Variants in RNF212 observed in about 807,000 individuals in gnomAD.
RNF212 encodes ring finger protein 212.
In RNF212, 33 loss-of-function variants were observed where a neutral mutation model predicts 34.7. That is an observed-to-expected ratio of 0.95 (90% CI 0.72 to 1.27). RNF212 has a LOEUF of 1.27. Ranked by LOEUF, RNF212 falls within the 50% of genes most tolerant of loss-of-function variation. The pLI is 0.00. For missense variants in RNF212, 377 were observed against 362.2 expected, an observed-to-expected ratio of 1.04 and a Z score of -0.33; for synonymous variants, 140 against 136.1, an observed-to-expected ratio of 1.03 and a Z score of -0.20.
intron 2 of RNF212, among the ~76,000 whole-genome samples, chr4:1,104,895 A>G (rs935311043): frequency 6.6e-6 from 1 of 152,152 alleles, no homozygotes; most frequent in Non-Finnish European, 1.5e-5. Context: ...GGGAGGAGGA[A>G]GAACACAGGT....
chr4:1,090,693 C>T, intron 4 of RNF212, 89 bp downstream of exon 4: 1 of 782,164 alleles, frequency 1.3e-6, no homozygotes. Flanking sequence ...GCAGCCATCC[C>T]CTTTGAGAGC....
At chr4:1,066,766 A>T (rs1435299637), downstream of RNF212, among the ~76,000 whole-genome samples, 4 of 152,052 alleles carry the variant, frequency 2.6e-5, no homozygotes, top group African/African-American at 9.7e-5. Context: ...TACTCTATTG[A>T]TAGTATCTTT....
intron 1 of RNF212, among the ~76,000 whole-genome samples, chr4:1,109,692 T>C (rs571893731): frequency 4.6e-5 from 7 of 152,290 alleles, no homozygotes. Context: ...GAAGCAGCCC[T>C]GGCTCATGAC....
At chr4:1,056,501 AC>A (rs1438287303) in exon 5 of RNF212, 11 of 986,192 alleles carry the variant, frequency 1.1e-5, no homozygotes, top group African/African-American at 1.7e-5. Context: ...TCAAAACTTC[AC>A]ACTGTTGAGG....
At chr4:1,074,753 CAAG>C (rs1473802101) in intron 8 of RNF212, among the ~76,000 whole-genome samples, 1 of 152,178 alleles carries the variant, frequency 6.6e-6, no homozygotes, top group African/African-American at 2.4e-5. Context: ...CTCCTACCCC[CAAG>C]AAGACAGAAT....
chr4:1,113,554 G>A lies in RNF212; in HGVS notation c.-90C>T. ...CCTCCCCGCGCAGGGCCCGAAGGCGGGCAGCTCTGCGCCTGCGCAAAGTCG... is the reference window on the plus strand; with the variant it reads ...CCTCCCCGCGCAGGGCCCGAAGGCGAGCAGCTCTGCGCCTGCGCAAAGTCG... On this transcript the variant is annotated 5_prime_UTR_variant, in exon 1 of 10. Coordinates refer to ENST00000433731, the MANE Select transcript of RNF212 (RefSeq NM_001131034.4). 3 of 1,089,314 alleles carry A rather than the reference G, an allele frequency of 2.8e-6. No homozygotes were observed. Among genetic ancestry groups the A allele is most frequent in the East Asian group, 2.9e-5 (1 of 33,908 alleles). The allele number at this position is 1,089,314 out of a possible 1,614,324, so 67.5% of individuals were successfully genotyped here. A position where few individuals can be genotyped will look rare whatever the true frequency, so the allele number is the denominator to read the frequency against.
chr4:1,074,842 G>A (rs1229692523), intron 8 of RNF212, among the ~76,000 whole-genome samples: 3 of 152,118 alleles, frequency 2.0e-5, no homozygotes, highest in African/African-American at 7.2e-5. Flanking sequence ...ACATATTCCT[G>A]CCTCATCAGG....
chr4:1,091,608 C>T (rs750216019), intron 3 of RNF212, among the ~76,000 whole-genome samples: 11 of 152,146 alleles, frequency 7.2e-5, no homozygotes, highest in South Asian at 4.1e-4. Context: ...CAGGAGGGAG[C>T]GGCCTTGTCT....
chr4:1,087,851 T>A (rs924954003), intron 4 of RNF212, among the ~76,000 whole-genome samples: 3 of 151,962 alleles, frequency 2.0e-5, no homozygotes, highest in African/African-American at 4.8e-5. Context: ...TGCCGCTATG[T>A]AAGATGTGCC....
exon 5 of RNF212, chr4:1,056,494 A>G (rs190201588): frequency 6.1e-6 from 6 of 986,664 alleles, no homozygotes; most frequent in African/African-American, 3.5e-5. Context: ...AATGACTTCA[A>G]AACTTCACAC....
rs998407593 is a variant in RNF212, at chr4:1,060,934, T to C, written n.148-2541A>G. On this transcript the variant is annotated intron_variant and non_coding_transcript_variant, in intron 3 of 4. Coordinates refer to the RNF212 transcript ENST00000503206. ...ATGAGTGCTTGTTGAGGAGGACTGCTGGCTACAGTGGAGTAGAAATCAATG... is the reference window on the plus strand; with the variant it reads ...ATGAGTGCTTGTTGAGGAGGACTGCCGGCTACAGTGGAGTAGAAATCAATG... 2.5e-4 allele frequency among the ~76,000 whole-genome samples: 38 copies of C among 152,320 alleles called. 2 individuals carry two copies. The highest frequency in any genetic ancestry group is 1.2e-4 in the Non-Finnish European group (8 of 68,028).
chr4:1,064,022 G>GAA (rs150873976), intron 3 of RNF212, among the ~76,000 whole-genome samples: 4 of 149,448 alleles, frequency 2.7e-5, no homozygotes, highest in South Asian at 2.1e-4. Flanking sequence ...TTCAAATATG[G>GAA]AAAAAAAAAA....
intron 4 of RNF212, chr4:1,056,800 C>T (rs1717352238): frequency 1.0e-6 from 1 of 979,860 alleles, no homozygotes; most frequent in Non-Finnish European, 1.2e-6. Flanking sequence ...CGCACTTTCC[C>T]AAGAGCATTT....
intron 9 of RNF212, 68 bp downstream of exon 9, chr4:1,073,531 T>A: frequency 2.5e-6 from 3 of 1,197,678 alleles, no homozygotes; most frequent in Non-Finnish European, 3.7e-6. Context: ...TGATTAAACA[T>A]GACCTTTCAG....
intron 2 of RNF212, among the ~76,000 whole-genome samples, chr4:1,106,249 TACACACACACACACACACACACACAC>T (rs35166968): frequency 4.8e-5 from 7 of 145,948 alleles, no homozygotes; most frequent in Non-Finnish European, 9.1e-5. Flanking sequence ...CAATTTTACT[TACACACACACACACACACACACACAC>T]ACACACACAC....
At chr4:1,098,235 C>A (rs924035922) in intron 2 of RNF212, among the ~76,000 whole-genome samples, 1 of 152,128 alleles carries the variant, frequency 6.6e-6, no homozygotes, top group Non-Finnish European at 1.5e-5. Flanking sequence ...CCAGTGGCTC[C>A]CCAAATCCCA....
At chr4:1,063,824 T>G (rs1577613204) in intron 3 of RNF212, among the ~76,000 whole-genome samples, 1 of 150,242 alleles carries the variant, frequency 6.7e-6, no homozygotes, top group Non-Finnish European at 1.5e-5. Flanking sequence ...CAGTGAGCCA[T>G]GGTCAAGACA....
chr4:1,093,494 T>G (rs931174070), intron 3 of RNF212: 9 of 1,487,798 alleles, frequency 6.0e-6, no homozygotes, highest in African/African-American at 4.3e-5. Context: ...CTCCACAGTG[T>G]AACTGACAAA....
At chr4:1,069,790 G>A (rs537897005), downstream of RNF212, among the ~76,000 whole-genome samples, 19 of 152,176 alleles carry the variant, frequency 1.2e-4, no homozygotes, top group Non-Finnish European at 2.2e-4. Context: ...TTTATTCTTC[G>A]GAACTGTTGA....
Sources: gnomAD v4.1 joint callset for allele counts (sites outside exome capture counted in the v4.1 genomes callset) on GRCh38, gnomAD v4.1.1 for gene constraint, MANE v1.5 for transcripts, NCBI Gene and HGNC (gene_info 2026-07-23, HGNC 2026-07-21) for gene names.